TMEM41B: variants seen among roughly 807,000 people sequenced by gnomAD.
The protein encoded by TMEM41B is protein stasimon.
TMEM41B carries 18 observed loss-of-function variants against 31.9 expected under a neutral mutation model. The observed-to-expected ratio is 0.56, with a 90% CI of 0.39 to 0.84. TMEM41B has a LOEUF of 0.84. Ranked by LOEUF, TMEM41B falls within the 40% of genes least tolerant of loss-of-function variation. TMEM41B has a pLI of 0.00. For missense variants in TMEM41B, 322 were observed against 348.0 expected (o/e 0.93, Z 0.59); for synonymous variants, 144 against 124.3 (o/e 1.16, Z -1.05).
At chr11:9,288,570 T>A in intron 3 of TMEM41B, 35 bp from the exon 4 acceptor site, 2 of 1,399,196 alleles carry the variant, frequency 1.4e-6, no homozygotes, top group Non-Finnish European at 1.9e-6. Context: ...AGAATATAAT[T>A]AAGTAGAATT....
intron 1 of TMEM41B, among the ~76,000 whole-genome samples, chr11:9,307,359 C>T (rs920447303): frequency 6.6e-6 from 1 of 151,940 alleles, no homozygotes; most frequent in Admixed American, 6.6e-5. Flanking sequence ...AACTTTATTT[C>T]AACGGTCTTA....
At chr11:9,287,142 C>G (rs1301527735) in intron 5 of TMEM41B, among the ~76,000 whole-genome samples, 3 of 151,738 alleles carry the variant, frequency 2.0e-5, no homozygotes, top group South Asian at 2.1e-4. Context: ...CCTGTCTCTA[C>G]TAAAAATACA....
At chr11:9,312,668 G>A (rs2133657731) in intron 1 of TMEM41B, among the ~76,000 whole-genome samples, 1 of 152,294 alleles carries the variant, frequency 6.6e-6, no homozygotes. Flanking sequence ...CACTTTGGGA[G>A]GCCGAGGCGG....
Position 9,282,902 on chromosome 11 carries a change from C to G in TMEM41B, c.*522G>C, listed in dbSNP as rs1852752280. 6.8e-6 allele frequency: 1 copy of G among 146,980 alleles called. No individual in the cohort carries two copies. Among genetic ancestry groups the G allele is most frequent in the African/African-American group, 2.5e-5 (1 of 39,772 alleles). The allele number at this position is 146,980 out of a possible 1,614,324, so 9.1% of individuals were successfully genotyped here. A position where few individuals can be genotyped will look rare whatever the true frequency, so the allele number is the denominator to read the frequency against. On this transcript the variant is annotated 3_prime_UTR_variant, in exon 7 of 7. Coordinates refer to ENST00000528080, the MANE Select transcript of TMEM41B (RefSeq NM_015012.4). ...TGAGTGGAGATCGCGCCACTGCACTCCAGCCTGGGCGGCAGAGCTAGACTC... is the reference window on the plus strand; with the variant it reads ...TGAGTGGAGATCGCGCCACTGCACTGCAGCCTGGGCGGCAGAGCTAGACTC...
At chr11:9,306,281 T>C (rs1342632419) in intron 1 of TMEM41B, among the ~76,000 whole-genome samples, 6 of 151,864 alleles carry the variant, frequency 4.0e-5, no homozygotes, top group Admixed American at 3.9e-4. Context: ...GCCCAGCCAG[T>C]ACTCTGTATT....
rs563561293 is a variant in TMEM41B, at chr11:9,298,166, A to C, written c.239+1418T>G. Among the ~76,000 whole-genome samples, 3 of 152,112 alleles carry C rather than the reference A, an allele frequency of 2.0e-5. No individual in the cohort carries two copies. The South Asian group carries it at 6.2e-4, about 32-fold the overall frequency. ...CCTACTTATGAAATTTATAAAACTAAAAAGACTCTAGGCTGGGCACAGTGG... is the reference window on the plus strand; with the variant it reads ...CCTACTTATGAAATTTATAAAACTACAAAGACTCTAGGCTGGGCACAGTGG... On this transcript the variant is annotated intron_variant, in intron 2 of 6. Transcript: ENST00000528080.
intron 2 of TMEM41B, among the ~76,000 whole-genome samples, chr11:9,296,120 G>A (rs1430675970): frequency 6.6e-6 from 1 of 151,752 alleles, no homozygotes; most frequent in Non-Finnish European, 1.5e-5. Flanking sequence ...GCCTCCCAAC[G>A]TGCTGGGATT....
intron 6 of TMEM41B, 120 bp from the exon 7 acceptor site, chr11:9,283,713 A>G (rs1852774016): frequency 1.2e-6 from 1 of 836,704 alleles, no homozygotes. Context: ...TGGAAAAAAA[A>G]TTAAGAATTT....
intron 1 of TMEM41B, chr11:9,311,793 T>C (rs1259471421): frequency 3.5e-6 from 2 of 567,936 alleles, no homozygotes; most frequent in African/African-American, 1.9e-5. Flanking sequence ...ATCTTCATCA[T>C]GCAAAAATTA....
At chr11:9,296,126 G>A (rs1853079855) in intron 2 of TMEM41B, among the ~76,000 whole-genome samples, 1 of 151,898 alleles carries the variant, frequency 6.6e-6, no homozygotes, top group Non-Finnish European at 1.5e-5. Context: ...CAACGTGCTG[G>A]GATTACAGGA....
intron 1 of TMEM41B, among the ~76,000 whole-genome samples, chr11:9,306,168 G>A (rs1422946551): frequency 6.6e-6 from 1 of 151,028 alleles, no homozygotes; most frequent in African/African-American, 2.4e-5. Context: ...TAGTAGAGAC[G>A]GGGTTTCACC....
At chr11:9,293,894 T>C (rs1175074899) in intron 3 of TMEM41B, among the ~76,000 whole-genome samples, 1 of 152,146 alleles carries the variant, frequency 6.6e-6, no homozygotes, top group African/African-American at 2.4e-5. Flanking sequence ...TTCTGATTCT[T>C]TTTAAATAGC....
intron 1 of TMEM41B, among the ~76,000 whole-genome samples, chr11:9,310,913 A>G (rs1266057225): frequency 1.3e-5 from 2 of 152,188 alleles, no homozygotes. Context: ...AAAAAGATAG[A>G]GGTTTTTCAT....
Position 9,282,535 on chromosome 11 carries a change from G to A in TMEM41B, c.*889C>T, listed in dbSNP as rs370851816. 1 of 152,056 alleles carries A rather than the reference G, an allele frequency of 6.6e-6. No individual in the cohort carries two copies. Among genetic ancestry groups the A allele is most frequent in the African/African-American group, 2.4e-5 (1 of 41,406 alleles). The allele number at this position is 152,056 out of a possible 1,614,324, so 9.4% of individuals were successfully genotyped here. A position where few individuals can be genotyped will look rare whatever the true frequency, so the allele number is the denominator to read the frequency against. Reference sequence around the variant, plus strand: ...ACTAATCCATGATAAAAATCTAGATGATAAAAAACAAAAATAAAATTAACA... The same window carrying A: ...ACTAATCCATGATAAAAATCTAGATAATAAAAAACAAAAATAAAATTAACA... On this transcript the variant is annotated 3_prime_UTR_variant, in exon 7 of 7. Transcript: ENST00000528080.
intron 2 of TMEM41B, among the ~76,000 whole-genome samples, chr11:9,299,377 A>G (rs1853189164): frequency 7.0e-6 from 1 of 142,482 alleles, no homozygotes; most frequent in Non-Finnish European, 1.5e-5. Context: ...AAATATACAT[A>G]TACACACACA....
chr11:9,291,314 G>A (rs977656057), intron 3 of TMEM41B, among the ~76,000 whole-genome samples: 16 of 151,768 alleles, frequency 1.1e-4, no homozygotes, highest in East Asian at 1.9e-4. Flanking sequence ...CTCGGGCAGC[G>A]GAGGTTGCAG....
In TMEM41B at chr11:9,283,481, A is replaced by G. The variant is rs771123555; in HGVS notation, c.819T>C (p.Ala273=). 4 of 1,612,160 alleles carry G rather than the reference A, an allele frequency of 2.5e-6. No individual in the cohort carries two copies. Among genetic ancestry groups the G allele is most frequent in the South Asian group, 1.1e-5 (1 of 90,346 alleles). ...WNSIFILMIL[A]VLSILPAIFQ... is the part of the protein sequence containing the mutation. The stretch of plus-strand genomic sequence containing the variant: ...AGATGGCTGGCAGAATAGAAAGAAC[A>G]GCCAAGATCATCAGAATAAATATTG... Residue 273 remains alanine (A), a synonymous_variant, in exon 7 of 7, where the codon GCT becomes GCC. Transcript: ENST00000528080.
intron 1 of TMEM41B, among the ~76,000 whole-genome samples, chr11:9,305,251 G>A (rs1853360182): frequency 6.6e-6 from 1 of 152,026 alleles, no homozygotes; most frequent in Non-Finnish European, 1.5e-5. Flanking sequence ...TCAAAGCAAA[G>A]ACACATTATA....
chr11:9,308,094 C>T (rs1042040800), intron 1 of TMEM41B, among the ~76,000 whole-genome samples: 8 of 152,076 alleles, frequency 5.3e-5, no homozygotes, highest in African/African-American at 2.4e-5. Flanking sequence ...CACATGTAAT[C>T]CCAGCACTTT....
Sources: gnomAD v4.1 joint callset for allele counts (sites outside exome capture counted in the v4.1 genomes callset) on GRCh38, gnomAD v4.1.1 for gene constraint, MANE v1.5 for transcripts, NCBI Gene and HGNC (gene_info 2026-07-23, HGNC 2026-07-21) for gene names.